The following IL1RAPL2 variants were observed in gnomAD, a reference collection of about 807,000 sequenced individuals.
IL1RAPL2 encodes the protein interleukin 1 receptor accessory protein like 2, also known as X-linked interleukin-1 receptor accessory protein-like 2.
In IL1RAPL2, 3 loss-of-function variants were observed where a neutral mutation model predicts 44.1. That is an observed-to-expected ratio of 0.07 (90% confidence interval 0.03 to 0.18). The LOEUF is 0.18. Among genes scored for constraint, IL1RAPL2 ranks in the 10% least tolerant of loss-of-function variants. The pLI, the probability that IL1RAPL2 is intolerant of heterozygous loss-of-function variation, is 1.00. For synonymous variants in IL1RAPL2, 181 were observed against 178.8 expected (o/e 1.01, Z -0.10); for missense variants, 391 against 496.4 (o/e 0.79, Z 2.02).
chrX:105,419,169 G>T lies in IL1RAPL2; in HGVS notation c.698-65144G>T, dbSNP rs936668447. Reference sequence around the variant, plus strand: ...AATTTATCCTGAAACAAGTTGGCCAGCAGCCACATCTTGAAAACATCTATG... The same window carrying T: ...AATTTATCCTGAAACAAGTTGGCCATCAGCCACATCTTGAAAACATCTATG... On this transcript the variant is annotated intron_variant, in intron 5 of 10. Transcript: ENST00000372582. Among the ~76,000 whole-genome samples the T allele has an allele frequency of 4.5e-5, 5 of 111,902 alleles. 1 individual carries two copies. The Admixed American group carries it at 4.8e-4, about 11-fold the overall frequency.
chrX:105,597,547 A>G (rs970661134), intron 6 of IL1RAPL2, among the ~76,000 whole-genome samples: 1 of 111,212 alleles, frequency 9.0e-6, no homozygotes, highest in Admixed American at 9.6e-5. Flanking sequence ...CAAGAGCCAG[A>G]GAGCGAGGAG....
intron 4 of IL1RAPL2, among the ~76,000 whole-genome samples, chrX:105,250,120 G>C (rs1192402951): frequency 9.0e-6 from 1 of 111,338 alleles, no homozygotes; most frequent in Non-Finnish European, 1.9e-5. Flanking sequence ...GGTACGTACT[G>C]TATGCTTAGA....
At chrX:105,090,109 C>T (rs2032525718) in intron 2 of IL1RAPL2, among the ~76,000 whole-genome samples, 1 of 111,320 alleles carries the variant, frequency 9.0e-6, no homozygotes, top group African/African-American at 3.3e-5. Flanking sequence ...TTGCCTTAGT[C>T]AAACATCCGA....
chrX:104,839,254 A>G (rs1321070915), intron 2 of IL1RAPL2, among the ~76,000 whole-genome samples: 1 of 111,476 alleles, frequency 9.0e-6, no homozygotes. Context: ...TGTTCCATCA[A>G]TACCTAGTTT....
At chrX:105,534,283 G>A (rs1308307313) in intron 6 of IL1RAPL2, among the ~76,000 whole-genome samples, 7 of 111,357 alleles carry the variant, frequency 6.3e-5, no homozygotes, top group African/African-American at 2.3e-4. Context: ...TTCTAATTAA[G>A]GTAATGCCAA....
intron 1 of IL1RAPL2, among the ~76,000 whole-genome samples, chrX:104,591,411 G>A (rs762963746): frequency 1.1e-4 from 12 of 111,562 alleles, no homozygotes; most frequent in Non-Finnish European, 1.1e-4. Context: ...CCTATCAGAT[G>A]GTTTCCACAT....
chrX:104,667,042 C>G (rs1025481157), intron 2 of IL1RAPL2, among the ~76,000 whole-genome samples: 1 of 111,028 alleles, frequency 9.0e-6, no homozygotes, highest in East Asian at 2.8e-4. Context: ...CAATGACCTT[C>G]CCCCAGGCTA....
intron 2 of IL1RAPL2, among the ~76,000 whole-genome samples, chrX:105,123,875 G>T (rs114624500): frequency 0.022 from 2,386 of 110,608 alleles, 59 homozygotes; most frequent in African/African-American, 0.073. Flanking sequence ...GACCCTCCAT[G>T]ACTCTTATCA....
In IL1RAPL2 at chrX:105,244,096, C is replaced by T. The variant is rs189405932; in HGVS notation, c.543+10092C>T. ...TCAGTGCATTGCCATTCATTTGGAA[C>T]GTTCCACTCTAACTTATCTTTAGTG... On this transcript the variant is annotated intron_variant, in intron 4 of 10. Coordinates refer to ENST00000372582, the MANE Select transcript of IL1RAPL2 (RefSeq NM_017416.2). Among the ~76,000 whole-genome samples the T allele has an allele frequency of 4.7e-4, 52 of 111,317 alleles. 1 individual carries two copies. Among genetic ancestry groups the T allele is most frequent in the African/African-American group, 1.6e-3 (49 of 30,708 alleles).
intron 5 of IL1RAPL2, among the ~76,000 whole-genome samples, chrX:105,450,803 G>A (rs751067272): frequency 5.4e-5 from 6 of 111,273 alleles, no homozygotes; most frequent in Non-Finnish European, 9.4e-5. Context: ...ACAACTTTGC[G>A]AGGAAAGTAG....
At chrX:104,943,051 T>C (rs1224725479) in intron 2 of IL1RAPL2, among the ~76,000 whole-genome samples, 3 of 111,573 alleles carry the variant, frequency 2.7e-5, no homozygotes, top group African/African-American at 9.8e-5. Flanking sequence ...AGCCAACTTG[T>C]TCGTGGTGGA....
intron 2 of IL1RAPL2, among the ~76,000 whole-genome samples, chrX:105,010,299 A>G (rs190680036): frequency 9.0e-6 from 1 of 111,277 alleles, no homozygotes; most frequent in African/African-American, 3.2e-5. Flanking sequence ...CTGTGGTGCA[A>G]GGGTTTCACT....
intron 5 of IL1RAPL2, among the ~76,000 whole-genome samples, chrX:105,353,032 C>T (rs1262076085): frequency 2.7e-5 from 3 of 111,213 alleles, no homozygotes; most frequent in African/African-American, 9.8e-5. Flanking sequence ...ATGGTATTGC[C>T]TAGGTTTTCT....
intron 5 of IL1RAPL2, among the ~76,000 whole-genome samples, chrX:105,396,306 A>G (rs1391187486): frequency 9.3e-6 from 1 of 107,327 alleles, no homozygotes; most frequent in Non-Finnish European, 1.9e-5. Flanking sequence ...ACAATCATCA[A>G]TGCCCCTTCC....
At chrX:105,107,792 G>A (rs761521734) in intron 2 of IL1RAPL2, among the ~76,000 whole-genome samples, 1 of 111,678 alleles carries the variant, frequency 9.0e-6, no homozygotes, top group African/African-American at 3.3e-5. Context: ...CACTGAAATT[G>A]ACTTTTGCTA....
At chrX:105,346,070 A>C (rs1248579531) in intron 5 of IL1RAPL2, among the ~76,000 whole-genome samples, 1 of 111,392 alleles carries the variant, frequency 9.0e-6, no homozygotes, top group Non-Finnish European at 1.9e-5. Flanking sequence ...TCCTTTACTT[A>C]TGTAGTGCTG....
intron 6 of IL1RAPL2, among the ~76,000 whole-genome samples, chrX:105,604,276 AAGAG>A (rs1291979731): frequency 1.8e-5 from 2 of 111,661 alleles, no homozygotes; most frequent in African/African-American, 6.5e-5. Flanking sequence ...CTAAGAAAAA[AAGAG>A]AGAAGACACA....
intron 2 of IL1RAPL2, among the ~76,000 whole-genome samples, chrX:104,762,338 G>A (rs963146400): frequency 9.0e-6 from 1 of 111,648 alleles, no homozygotes; most frequent in African/African-American, 3.3e-5. Flanking sequence ...GATCTCCTTT[G>A]ATTCCATGTC....
chrX:105,289,741 G>T (rs1471205411), intron 5 of IL1RAPL2, among the ~76,000 whole-genome samples: 1 of 111,246 alleles, frequency 9.0e-6, no homozygotes, highest in Non-Finnish European at 1.9e-5. Context: ...AATGTTGGAT[G>T]GGCAGTTGGA....
Sources: gnomAD v4.1 joint callset for allele counts (sites outside exome capture counted in the v4.1 genomes callset) on GRCh38, gnomAD v4.1.1 for gene constraint, MANE v1.5 for transcripts, NCBI Gene and HGNC (gene_info 2026-07-23, HGNC 2026-07-21) for gene names.